Variants in TNIP2 observed in about 807,000 individuals in gnomAD.
TNIP2 encodes TNFAIP3 interacting protein 2.
Under a neutral mutation model 43.7 loss-of-function variants are expected in TNIP2, and 30 were observed. The observed-to-expected ratio is 0.69, with a 90% CI of 0.51 to 0.93. TNIP2 has a LOEUF of 0.93. Among genes scored for constraint, TNIP2 ranks in the 40% least tolerant of loss-of-function variants. The probability of loss-of-function intolerance (pLI) is 0.00; values close to 1 mark genes in which losing one functional copy is unlikely to be tolerated. For synonymous variants in TNIP2, 260 were observed against 254.6 expected (o/e 1.02, Z -0.20); for missense variants, 599 against 591.0 (o/e 1.01, Z -0.14).
chr4:2,753,013 TA>T (rs1223592995), intron 1 of TNIP2, among the ~76,000 whole-genome samples: 6 of 152,042 alleles, frequency 3.9e-5, no homozygotes, highest in African/African-American at 1.4e-4. Flanking sequence ...TACAGTGAGC[TA>T]TGATGGCCCC....
intron 2 of TNIP2, chr4:2,745,933 G>A: frequency 5.2e-6 from 1 of 191,952 alleles, no homozygotes; most frequent in Non-Finnish European, 1.1e-5. Flanking sequence ...CAGACAGCAG[G>A]GAAGGCAGGA....
Position 2,742,396 on chromosome 4 carries a change from G to C in TNIP2, c.1151C>G (p.Pro384Arg). ...GWRPGTGSQQ[P>R]EPPAEGGHPG... Reference sequence around the variant, plus strand: ...ATGCCCGCCCTCTGCAGGGGGTTCTGGCTGCTGGGACCCAGTCCCAGGCCT... The same window carrying C: ...ATGCCCGCCCTCTGCAGGGGGTTCTCGCTGCTGGGACCCAGTCCCAGGCCT... Residue 384 changes from proline to arginine, a missense_variant, in exon 6 of 6, where the codon CCA (proline) becomes CGA (arginine). Transcript: ENST00000315423. 6.2e-7 allele frequency: 1 copy of C among 1,611,008 alleles called. No individual in the cohort carries two copies. The highest frequency in any genetic ancestry group is 8.5e-7 in the Non-Finnish European group (1 of 1,178,428).
chr4:2,756,143 G>C lies in TNIP2; in HGVS notation c.147C>G (p.Arg49=). ...AARDALIARL[R]ARLAALEGDA... is the part of the protein sequence containing the mutation. ...CCCCCTCCAGCGCGGCCAGGCGGGC[G>C]CGGAGGCGAGCGATGAGGGCGTCGC... Residue 49 remains arginine, a synonymous_variant, in exon 1 of 6, where the codon CGC becomes CGG. Coordinates refer to ENST00000315423, the MANE Select transcript of TNIP2 (RefSeq NM_024309.4). The C allele has an allele frequency of 6.8e-7, 1 of 1,475,124 alleles. No individual in the cohort carries two copies. The highest frequency in any genetic ancestry group is 8.9e-7 in the Non-Finnish European group (1 of 1,121,308). The allele number at this position is 1,475,124 out of a possible 1,614,324, so 91.4% of individuals were successfully genotyped here.
chr4:2,752,120 A>G (rs1722117807), intron 1 of TNIP2, among the ~76,000 whole-genome samples: 1 of 151,390 alleles, frequency 6.6e-6, no homozygotes, highest in African/African-American at 2.4e-5. Context: ...AAAAAAAAGG[A>G]ACAAGGAAGG....
intron 2 of TNIP2, 99 bp from the exon 3 acceptor site, chr4:2,745,634 C>A: frequency 2.5e-6 from 2 of 800,538 alleles, no homozygotes; most frequent in African/African-American, 1.7e-5. Flanking sequence ...TCACTGCGTC[C>A]CCCAGTGCAG....
At chr4:2,745,345 A>G in intron 3 of TNIP2, 101 bp downstream of exon 3, 1 of 897,012 alleles carries the variant, frequency 1.1e-6, no homozygotes, top group Non-Finnish European at 1.8e-6. Flanking sequence ...CCTAGTGGCC[A>G]GAGGGCGGGG....
chr4:2,755,988 A>G, intron 1 of TNIP2, 26 bp downstream of exon 1: 1 of 1,525,154 alleles, frequency 6.6e-7, no homozygotes, highest in Non-Finnish European at 8.7e-7. Context: ...TCGCTCCCGC[A>G]GCTCCTCTGG....
intron 2 of TNIP2, 71 bp from the exon 3 acceptor site, chr4:2,745,606 G>A (rs1205643565): frequency 1.9e-6 from 2 of 1,059,768 alleles, no homozygotes; most frequent in South Asian, 1.3e-5. Flanking sequence ...TAGACCCAGA[G>A]GCTGAGGCCA....
chr4:2,751,814 C>G (rs574816665), intron 1 of TNIP2, among the ~76,000 whole-genome samples: 5 of 149,010 alleles, frequency 3.4e-5, no homozygotes, highest in Non-Finnish European at 7.4e-5. Flanking sequence ...AAGAAAGGAA[C>G]AAGGAAGGTG....
At chr4:2,755,293 T>C (rs1444307389) in intron 1 of TNIP2, among the ~76,000 whole-genome samples, 1 of 151,264 alleles carries the variant, frequency 6.6e-6, no homozygotes, top group Non-Finnish European at 1.5e-5. Flanking sequence ...ACACACAGAA[T>C]ACACACAGCA....
At chr4:2,745,057 C>G in intron 3 of TNIP2, 112 bp from the exon 4 acceptor site, 1 of 1,381,832 alleles carries the variant, frequency 7.2e-7, no homozygotes, top group Non-Finnish European at 9.6e-7. Flanking sequence ...AGAGTTTCCT[C>G]TTAAATGGAA....
intron 5 of TNIP2, 61 bp from the exon 6 acceptor site, chr4:2,742,581 C>G: frequency 6.9e-7 from 1 of 1,441,204 alleles, no homozygotes; most frequent in Middle Eastern, 1.9e-4. Context: ...AGCCAGGTCT[C>G]AGGTTCCAGC....
intron 1 of TNIP2, among the ~76,000 whole-genome samples, chr4:2,750,216 C>T (rs955791154): frequency 3.3e-5 from 5 of 152,082 alleles, no homozygotes; most frequent in African/African-American, 9.7e-5. Context: ...TAGTCCATCC[C>T]ACAAGTGAAG....
intron 1 of TNIP2, 57 bp downstream of exon 1, chr4:2,755,957 C>G: frequency 2.0e-6 from 3 of 1,476,938 alleles, no homozygotes; most frequent in Non-Finnish European, 2.7e-6. Flanking sequence ...ACCCAGGACC[C>G]GGCGGCCGCC....
At chr4:2,750,528 G>A (rs1207041723) in intron 1 of TNIP2, among the ~76,000 whole-genome samples, 1 of 151,966 alleles carries the variant, frequency 6.6e-6, no homozygotes, top group Non-Finnish European at 1.5e-5. Flanking sequence ...CTGGGTCCAA[G>A]TGTTCCTCCC....
At chr4:2,747,411 G>A (rs374750815) in intron 2 of TNIP2, 47 of 473,780 alleles carry the variant, frequency 9.9e-5, no homozygotes, top group Middle Eastern at 5.4e-4. Flanking sequence ...ACCTGGGAGC[G>A]GGGTCGGCCA....
chr4:2,742,230 G>A lies in TNIP2; in HGVS notation c.*27C>T. The stretch of plus-strand genomic sequence containing the variant: ...TGAGGGCAGCTGCACCGGGCCAGGA[G>A]GCCGCAAGGGCACGGGTGAGTCTCG... On this transcript the variant is annotated 3_prime_UTR_variant, in exon 6 of 6. Transcript: ENST00000315423. 1 of 1,443,380 alleles carries A rather than the reference G, an allele frequency of 6.9e-7. No homozygotes were observed. The highest frequency in any genetic ancestry group is 9.1e-7 in the Non-Finnish European group (1 of 1,093,144). The allele number at this position is 1,443,380 out of a possible 1,614,324, so 89.4% of individuals were successfully genotyped here.
intron 1 of TNIP2, among the ~76,000 whole-genome samples, chr4:2,749,610 C>T (rs1722051569): frequency 6.6e-6 from 1 of 152,132 alleles, no homozygotes; most frequent in African/African-American, 2.4e-5. Context: ...CCACAGGAAG[C>T]TGAAGAGGCG....
chr4:2,749,138 C>T (rs1722039719), intron 1 of TNIP2, among the ~76,000 whole-genome samples: 2 of 152,130 alleles, frequency 1.3e-5, no homozygotes, highest in Admixed American at 6.6e-5. Flanking sequence ...TTCATATCAT[C>T]AAAATGTTTT....
Sources: allele counts gnomAD v4.1 joint callset (sites outside exome capture counted in the v4.1 genomes callset), GRCh38; gene constraint gnomAD v4.1.1; transcripts MANE v1.5; gene names NCBI Gene and HGNC (gene_info 2026-07-23, HGNC 2026-07-21).